GRM8: variants seen among roughly 807,000 people sequenced by gnomAD.
GRM8 encodes the protein glutamate metabotropic receptor 8.
In GRM8, 47 loss-of-function variants were observed where a neutral mutation model predicts 87.2. That is an observed-to-expected ratio of 0.54 (90% CI 0.43 to 0.69). The LOEUF is 0.69. Ranked by LOEUF, GRM8 falls within the 30% of genes least tolerant of loss-of-function variation. The pLI, the probability that GRM8 is intolerant of heterozygous loss-of-function variation, is 0.00. For synonymous variants in GRM8, 396 were observed against 404.5 expected, an observed-to-expected ratio of 0.98 and a Z score of 0.25; for missense variants, 1,019 against 1,139.2, an observed-to-expected ratio of 0.89 and a Z score of 1.52.
intron 3 of GRM8, among the ~76,000 whole-genome samples, chr7:127,042,708 G>A (rs1486149319): frequency 6.6e-6 from 1 of 152,142 alleles, no homozygotes; most frequent in Non-Finnish European, 1.5e-5. Flanking sequence ...CATGGGCAAG[G>A]ACTTCATGTC....
chr7:126,860,814 T>A lies in GRM8; in HGVS notation c.1156+41728A>T, dbSNP rs569865989. On this transcript the variant is annotated intron_variant, in intron 6 of 10. Transcript: ENST00000339582. ...AATACTGCACATTTTTATATATTCATGTCCTTTTGCTTTTTAAAATATACT... is the reference window on the plus strand; with the variant it reads ...AATACTGCACATTTTTATATATTCAAGTCCTTTTGCTTTTTAAAATATACT... Among the ~76,000 whole-genome samples, 4 of 152,310 alleles carry A rather than the reference T, an allele frequency of 2.6e-5. No individual in the cohort carries two copies. In the East Asian group the frequency reaches 7.7e-4, roughly 29 times the overall value.
chr7:126,734,522 A>G (rs992121410), intron 7 of GRM8, among the ~76,000 whole-genome samples: 6 of 151,524 alleles, frequency 4.0e-5, no homozygotes, highest in African/African-American at 1.5e-4. Flanking sequence ...TTAATAATAT[A>G]TTAAAATGGC....
intron 3 of GRM8, among the ~76,000 whole-genome samples, chr7:126,916,047 A>G (rs1231657331): frequency 6.6e-6 from 1 of 152,240 alleles, no homozygotes; most frequent in Admixed American, 6.5e-5. Context: ...GAAGATTTCA[A>G]AAGAGAAAGC....
rs553871111 is a variant in GRM8, at chr7:126,684,251, A to G, written c.1358-74753T>C. The stretch of plus-strand genomic sequence containing the variant: ...AGGAAGGCTACTGTAGTCACAGCAG[A>G]CTGGGGCTGATGCTAGAATCCTCTT... On this transcript the variant is annotated intron_variant, in intron 7 of 10. Transcript: ENST00000339582. 3.3e-5 allele frequency among the ~76,000 whole-genome samples: 5 copies of G among 152,296 alleles called. No individual in the cohort carries two copies. The South Asian group carries it at 8.3e-4, about 25-fold the overall frequency.
At chr7:126,961,020 A>C (rs564990087) in intron 3 of GRM8, among the ~76,000 whole-genome samples, 31 of 152,184 alleles carry the variant, frequency 2.0e-4, no homozygotes, top group Non-Finnish European at 3.5e-4. Context: ...GAAAATATTC[A>C]TACATCAAAC....
intron 7 of GRM8, among the ~76,000 whole-genome samples, chr7:126,641,118 T>G (rs1802335559): frequency 6.6e-6 from 1 of 152,188 alleles, no homozygotes; most frequent in Admixed American, 6.5e-5. Context: ...CAGCTTATAT[T>G]TCATTTTGAA....
At chr7:126,707,925 A>C (rs1483990711) in intron 7 of GRM8, among the ~76,000 whole-genome samples, 2 of 152,182 alleles carry the variant, frequency 1.3e-5, no homozygotes, top group Non-Finnish European at 2.9e-5. Flanking sequence ...AAGCTTCTAC[A>C]CAGCAAAGGA....
chr7:126,531,805 G>A (rs992217056), intron 9 of GRM8, among the ~76,000 whole-genome samples: 7 of 152,148 alleles, frequency 4.6e-5, no homozygotes, highest in Non-Finnish European at 7.4e-5. Context: ...TTTCTGTCCC[G>A]TTGTTGTGGA....
intron 2 of GRM8, among the ~76,000 whole-genome samples, chr7:127,153,527 G>C (rs946215205): frequency 3.3e-5 from 5 of 152,084 alleles, no homozygotes; most frequent in Non-Finnish European, 7.4e-5. Flanking sequence ...GTCATTTTTT[G>C]AGAAAGCGGA....
rs937463198 is a variant in GRM8 at position 126,988,085 on chromosome 7, A to T, written c.728-83402T>A. Reference sequence around the variant, plus strand: ...TAAAGCTCTTCGTTTAAAAAAAAAAAATGACAACACAGATGCACTGAGCTT... The same window carrying T: ...TAAAGCTCTTCGTTTAAAAAAAAAATATGACAACACAGATGCACTGAGCTT... On this transcript the variant is annotated intron_variant, in intron 3 of 10. Coordinates refer to ENST00000339582, the MANE Select transcript of GRM8 (RefSeq NM_000845.3). Among the ~76,000 whole-genome samples the T allele has an allele frequency of 7.9e-5, 12 of 152,228 alleles. No individual in the cohort carries two copies. The East Asian group carries it at 2.3e-3, about 29-fold the overall frequency.
chr7:127,113,464 G>T (rs1407210101), intron 2 of GRM8, among the ~76,000 whole-genome samples: 3 of 139,644 alleles, frequency 2.1e-5, no homozygotes, highest in South Asian at 2.3e-4. Flanking sequence ...ATGAAAAAGG[G>T]TTTTTTTTTG....
At chr7:126,699,942 T>A (rs1017402073) in intron 7 of GRM8, among the ~76,000 whole-genome samples, 3 of 152,178 alleles carry the variant, frequency 2.0e-5, no homozygotes, top group Non-Finnish European at 4.4e-5. Context: ...AAACTGATTT[T>A]TTTCCAGTCA....
intron 7 of GRM8, among the ~76,000 whole-genome samples, chr7:126,729,648 G>GCT (rs1813383792): frequency 6.6e-6 from 1 of 152,180 alleles, no homozygotes; most frequent in East Asian, 1.9e-4. Context: ...GGCAGATACT[G>GCT]GGTAACTGAC....
At chr7:127,182,635 GTGTGTGT>G (rs1794519532) in intron 2 of GRM8, among the ~76,000 whole-genome samples, 2 of 9,310 alleles carry the variant, frequency 2.1e-4, no homozygotes, top group South Asian at 2.4e-3. Context: ...AAAGTGTGGT[GTGTGTGT>G]GTGTGTGTGT....
At position 126,568,204 on chromosome 7, in the gene GRM8, G is replaced by A. The variant is rs182777531; in HGVS notation, c.1495-34317C>T. 1.7e-3 allele frequency among the ~76,000 whole-genome samples: 265 copies of A among 152,212 alleles called. 1 individual carries two copies. The highest frequency in any genetic ancestry group is 6.2e-3 in the African/African-American group (258 of 41,552). On this transcript the variant is annotated intron_variant, in intron 8 of 10. Transcript: ENST00000339582. ...AAAGAAGGAAGGAAGCTTCAGGAGTGTGTATGTGCCTCCTCTTTACTTAGA... is the reference window on the plus strand; with the variant it reads ...AAAGAAGGAAGGAAGCTTCAGGAGTATGTATGTGCCTCCTCTTTACTTAGA...
chr7:126,683,626 G>A (rs1450546538), intron 7 of GRM8, among the ~76,000 whole-genome samples: 1 of 152,090 alleles, frequency 6.6e-6, no homozygotes, highest in African/African-American at 2.4e-5. Flanking sequence ...TGAAGGTCAA[G>A]TATATATTGC....
intron 6 of GRM8, among the ~76,000 whole-genome samples, chr7:126,864,374 T>C (rs1420105412): frequency 6.6e-6 from 1 of 152,170 alleles, no homozygotes; most frequent in Non-Finnish European, 1.5e-5. Flanking sequence ...TTTTTTATTC[T>C]ATCCTCGACA....
chr7:127,236,845 C>T (rs760129919), intron 2 of GRM8, among the ~76,000 whole-genome samples: 2 of 152,070 alleles, frequency 1.3e-5, no homozygotes, highest in Non-Finnish European at 2.9e-5. Context: ...CTGACAGGCC[C>T]ATGCTAGGTG....
intron 3 of GRM8, among the ~76,000 whole-genome samples, chr7:127,042,808 C>T (rs1818549510): frequency 6.6e-6 from 1 of 152,114 alleles, no homozygotes; most frequent in Non-Finnish European, 1.5e-5. Flanking sequence ...AAAGAAACCA[C>T]CATCAGAGTG....
Sources: allele counts gnomAD v4.1 joint callset (sites outside exome capture counted in the v4.1 genomes callset), GRCh38; gene constraint gnomAD v4.1.1; transcripts MANE v1.5; gene names NCBI Gene and HGNC (gene_info 2026-07-23, HGNC 2026-07-21).